The following COL4A3 variants were observed in gnomAD, a reference collection of about 807,000 sequenced individuals.
The protein encoded by COL4A3 is collagen alpha-3(IV) chain.
A neutral mutation model predicts 217.4 loss-of-function variants in COL4A3; 135 were observed. The ratio of observed to expected loss-of-function variants is 0.62; its 90% CI spans 0.54 to 0.72. The LOEUF (loss-of-function observed/expected upper bound fraction) is 0.72. Ranked by LOEUF, COL4A3 falls within the 30% of genes least tolerant of loss-of-function variation. The pLI is 0.00. For missense variants in COL4A3, 1,868 were observed against 2,119.9 expected, an observed-to-expected ratio of 0.88 and a Z score of 2.33; for synonymous variants, 690 against 736.3, an observed-to-expected ratio of 0.94 and a Z score of 1.02.
chr2:227,235,268 G>T (rs1173882447), intron 1 of COL4A3, among the ~76,000 whole-genome samples: 2 of 152,088 alleles, frequency 1.3e-5, no homozygotes, highest in Non-Finnish European at 2.9e-5. Flanking sequence ...TAAAAGATGT[G>T]GTTGAAAAGA....
intron 50 of COL4A3, among the ~76,000 whole-genome samples, chr2:227,310,503 A>C (rs996236377): frequency 8.5e-5 from 13 of 152,172 alleles, no homozygotes; most frequent in African/African-American, 3.1e-4. Context: ...TTTAGTACAG[A>C]CATGATTTCA....
chr2:227,272,851 A>G (rs1270773536), intron 25 of COL4A3, 98 bp from the exon 26 acceptor site: 14 of 1,265,792 alleles, frequency 1.1e-5, no homozygotes, highest in East Asian at 6.9e-5. Context: ...CAAGATCTCA[A>G]TGACAGCCTA....
chr2:227,255,312 T>A (rs2125938148), intron 15 of COL4A3, among the ~76,000 whole-genome samples: 1 of 152,184 alleles, frequency 6.6e-6, no homozygotes, highest in Admixed American at 6.5e-5. Flanking sequence ...TGACCAGAAG[T>A]GGGCAGCTGG....
rs1553751122 is a variant in COL4A3 at position 227,247,585 on chromosome 2, G to A, written c.468+1G>A. 6.2e-7 allele frequency: 1 copy of A among 1,614,056 alleles called. No homozygotes were observed. The highest frequency in any genetic ancestry group is 8.5e-7 in the Non-Finnish European group (1 of 1,179,938). On this transcript the variant is annotated splice_donor_variant, in intron 8 of 51. Coordinates refer to ENST00000396578, the MANE Select transcript of COL4A3 (RefSeq NM_000091.5). LOFTEE classifies it high-confidence loss of function. ...TGCTGCTGGTTTGAAAGGACAAAAG[G>A]TAAGTCATTGGTGGAATGCTGTCAC...
intron 1 of COL4A3, among the ~76,000 whole-genome samples, chr2:227,178,112 C>CA: frequency 1.3e-5 from 2 of 152,166 alleles, no homozygotes; most frequent in Non-Finnish European, 2.9e-5. Context: ...TGCTGACTCA[C>CA]ACCTGGAATC....
At chr2:227,234,672 T>C (rs959860301) in intron 1 of COL4A3, among the ~76,000 whole-genome samples, 2 of 152,184 alleles carry the variant, frequency 1.3e-5, no homozygotes, top group African/African-American at 4.8e-5. Context: ...AAAATAGGCA[T>C]TGAATATCTA....
At chr2:227,215,960 T>C (rs1403005481) in intron 1 of COL4A3, among the ~76,000 whole-genome samples, 1 of 152,112 alleles carries the variant, frequency 6.6e-6, no homozygotes, top group African/African-American at 2.4e-5. Flanking sequence ...TTATGCTAAG[T>C]GAAAGAAGCA....
intron 48 of COL4A3, among the ~76,000 whole-genome samples, chr2:227,308,483 G>A (rs992216023): frequency 6.6e-6 from 1 of 152,144 alleles, no homozygotes; most frequent in African/African-American, 2.4e-5. Flanking sequence ...CAAAGTGCTG[G>A]GATTACAGGC....
At chr2:227,200,391 C>A (rs967306087) in intron 1 of COL4A3, among the ~76,000 whole-genome samples, 2 of 152,194 alleles carry the variant, frequency 1.3e-5, no homozygotes, top group African/African-American at 4.8e-5. Flanking sequence ...AGAGTTTCAA[C>A]TCTTGATTGT....
At chr2:227,287,223 A>C (rs929865797) in intron 34 of COL4A3, among the ~76,000 whole-genome samples, 14 of 151,568 alleles carry the variant, frequency 9.2e-5, no homozygotes, top group African/African-American at 3.4e-4. Flanking sequence ...CATGAGGTCA[A>C]GAGATCGAGA....
intron 48 of COL4A3, 77 bp downstream of exon 48, chr2:227,307,996 C>A: frequency 7.6e-7 from 1 of 1,314,258 alleles, no homozygotes; most frequent in South Asian, 1.2e-5. Flanking sequence ...GGATGCTTCC[C>A]TCTGAAGTTA....
intron 1 of COL4A3, 166 bp from the exon 2 acceptor site, chr2:227,237,802 T>C: frequency 1.6e-6 from 1 of 631,518 alleles, no homozygotes; most frequent in South Asian, 1.5e-5. Context: ...TTATTGCTAT[T>C]CATATATTGA....
In COL4A3 at chr2:227,270,955, T is replaced by C; in HGVS notation, c.1758+3T>C. 1 of 1,613,864 alleles carries C rather than the reference T, an allele frequency of 6.2e-7. No homozygotes were observed. On this transcript the variant is annotated splice_donor_region_variant and intron_variant, in intron 25 of 51. Transcript: ENST00000396578. ...TACCAGGACCTAAAGGCGAACTGGTTGGTATTTAGCAACTTTACCCTCCCT... is the reference window on the plus strand; with the variant it reads ...TACCAGGACCTAAAGGCGAACTGGTCGGTATTTAGCAACTTTACCCTCCCT...
At position 227,247,572 on chromosome 2, in the gene COL4A3, G is replaced by C; in HGVS notation, c.456G>C (p.Leu152Phe). The change falls in exon 8 of 52, where the codon TTG becomes TTC. Residue 152 changes from leucine (L) to phenylalanine (F), a missense_variant. This residue lies in a region of COL4A3 where 365 missense variants were observed against 333.8 expected (regional missense o/e 1.09). Transcript: ENST00000396578. Reference sequence around the variant, plus strand: ...TTTTTTCCTAGGGTGCTGCTGGTTTGAAAGGACAAAAGGTAAGTCATTGGT... The same window carrying C: ...TTTTTTCCTAGGGTGCTGCTGGTTTCAAAGGACAAAAGGTAAGTCATTGGT... ...GYPGIPGAAGLKGQKGAPAKE... is the reference protein window; with the variant it reads ...GYPGIPGAAGFKGQKGAPAKE... 6.2e-7 allele frequency: 1 copy of C among 1,614,056 alleles called. No individual in the cohort carries two copies. The highest frequency in any genetic ancestry group is 1.1e-5 in the South Asian group (1 of 91,084).
At chr2:227,242,886 T>C (rs562362553) in intron 3 of COL4A3, among the ~76,000 whole-genome samples, 1 of 152,200 alleles carries the variant, frequency 6.6e-6, no homozygotes, top group Non-Finnish European at 1.5e-5. Context: ...GTCTACCATA[T>C]CCATGTATGT....
At position 227,308,376 on chromosome 2, in the gene COL4A3, C is replaced by T. The variant is rs536172088; in HGVS notation, c.4462+457C>T. Among the ~76,000 whole-genome samples the T allele has an allele frequency of 5.8e-4, 88 of 152,228 alleles. No individual in the cohort carries two copies. Among genetic ancestry groups the T allele is most frequent in the Non-Finnish European group, 5.7e-4 (39 of 68,018 alleles). ...TACAGGCACACACCACTATACCAAG[C>T]TAATTTTTTTGATTTTCAGTAGAGA... is the stretch of plus-strand genomic sequence containing the variant. On this transcript the variant is annotated intron_variant, in intron 48 of 51. Coordinates refer to ENST00000396578, the MANE Select transcript of COL4A3 (RefSeq NM_000091.5).
At chr2:227,298,614 A>G in intron 42 of COL4A3, 68 bp from the exon 43 acceptor site, 1 of 1,602,826 alleles carries the variant, frequency 6.2e-7, no homozygotes, top group Non-Finnish European at 8.5e-7. Context: ...CATTAGAAAC[A>G]ATCACTGATA....
At chr2:227,264,516 G>A (rs1316633093) in intron 21 of COL4A3, among the ~76,000 whole-genome samples, 1 of 152,184 alleles carries the variant, frequency 6.6e-6, no homozygotes, top group Admixed American at 6.5e-5. Context: ...TGACAGAGAT[G>A]TGGCCCAATG....
intron 43 of COL4A3, among the ~76,000 whole-genome samples, chr2:227,301,118 C>G (rs933874687): frequency 6.7e-6 from 1 of 148,456 alleles, no homozygotes. Context: ...CAAAGCAGCT[C>G]TTTGTGCCCA....
Sources: allele counts gnomAD v4.1 joint callset (sites outside exome capture counted in the v4.1 genomes callset), GRCh38; gene constraint gnomAD v4.1.1; regional missense constraint gnomAD v4.1.1; transcripts MANE v1.5; gene names NCBI Gene and HGNC (gene_info 2026-07-23, HGNC 2026-07-21).